Variants in C12orf42 observed in about 807,000 individuals in gnomAD.
C12orf42 encodes uncharacterized protein C12orf42.
In C12orf42, 25 loss-of-function variants were observed where a neutral mutation model predicts 21.6. The ratio of observed to expected loss-of-function variants is 1.16; its 90% CI spans 0.84 to 1.62. The LOEUF is 1.62. Ranked by LOEUF, C12orf42 falls within the 40% of genes most tolerant of loss-of-function variation. The pLI is 0.00. For missense variants in C12orf42, 483 were observed against 459.3 expected (o/e 1.05, Z -0.47); for synonymous variants, 174 against 175.0 (o/e 0.99, Z 0.05).
chr12:103,332,892 A>C (rs1438455698), intron 4 of C12orf42, among the ~76,000 whole-genome samples: 1 of 152,286 alleles, frequency 6.6e-6, no homozygotes, highest in Non-Finnish European at 1.5e-5. Context: ...CTGGATTAGC[A>C]GGTCTGCCCC....
the C12orf42 span, among the ~76,000 whole-genome samples, chr12:103,070,645 G>T: frequency 6.6e-6 from 1 of 151,946 alleles, no homozygotes; most frequent in African/African-American, 2.4e-5. Flanking sequence ...ACCACAAATT[G>T]TTCTATGTGC....
chr12:103,376,876 G>A (rs2045745717), intron 3 of C12orf42, among the ~76,000 whole-genome samples: 1 of 151,704 alleles, frequency 6.6e-6, no homozygotes, highest in Non-Finnish European at 1.5e-5. Context: ...TCCCCTCTGT[G>A]TTCTCATTCT....
the C12orf42 span, among the ~76,000 whole-genome samples, chr12:103,206,592 T>G: frequency 6.6e-6 from 1 of 152,000 alleles, no homozygotes; most frequent in South Asian, 2.1e-4. Context: ...CTAACAAACT[T>G]AATTAATTAA....
At chr12:103,406,345 G>C (rs1020095500) in intron 2 of C12orf42, among the ~76,000 whole-genome samples, 1 of 152,176 alleles carries the variant, frequency 6.6e-6, no homozygotes, top group Non-Finnish European at 1.5e-5. Flanking sequence ...GCTTTCAAGA[G>C]GTTGTATGGT....
chr12:103,434,775 T>C lies in C12orf42; in HGVS notation c.79-33100A>G, dbSNP rs1207881888. ...ACGCCCACGGACTCTTGCTGATTGC[T>C]AGCACAGCAGTCTGAGATCAAACTG... is the stretch of plus-strand genomic sequence containing the variant. On this transcript the variant is annotated intron_variant, in intron 2 of 5. Coordinates refer to ENST00000548883, the MANE Select transcript of C12orf42 (RefSeq NM_198521.5). 3.3e-5 allele frequency among the ~76,000 whole-genome samples: 5 copies of C among 152,172 alleles called. No homozygotes were observed. The East Asian group carries it at 9.6e-4, about 29-fold the overall frequency.
At chr12:103,404,610 G>T (rs983409773) in intron 2 of C12orf42, among the ~76,000 whole-genome samples, 2 of 152,128 alleles carry the variant, frequency 1.3e-5, no homozygotes, top group Admixed American at 6.5e-5. Flanking sequence ...CACAAGAGTC[G>T]CCACATAAAC....
chr12:103,402,730 G>T (rs76527187), intron 2 of C12orf42, among the ~76,000 whole-genome samples: 3 of 152,306 alleles, frequency 2.0e-5, no homozygotes, highest in African/African-American at 7.2e-5. Context: ...TTGGGTGATG[G>T]ACTAGAGACA....
At chr12:103,395,542 A>T (rs1208421579) in intron 3 of C12orf42, among the ~76,000 whole-genome samples, 1 of 152,104 alleles carries the variant, frequency 6.6e-6, no homozygotes, top group Non-Finnish European at 1.5e-5. Flanking sequence ...TCACTGTGTT[A>T]GGCAGGATGG....
chr12:103,293,729 G>T (rs2036968475), intron 4 of C12orf42, among the ~76,000 whole-genome samples: 1 of 152,108 alleles, frequency 6.6e-6, no homozygotes, highest in Non-Finnish European at 1.5e-5. Flanking sequence ...CTTTCCATGG[G>T]GGTCCAAGGC....
downstream of C12orf42, among the ~76,000 whole-genome samples, chr12:103,265,605 A>G (rs894511547): frequency 6.6e-6 from 1 of 152,178 alleles, no homozygotes; most frequent in Non-Finnish European, 1.5e-5. Flanking sequence ...TTCTAATGCT[A>G]TTTTACAGGT....
At chr12:103,372,115 G>A (rs12227177) in intron 3 of C12orf42, among the ~76,000 whole-genome samples, 16,488 of 152,010 alleles carry the variant, frequency 0.11, 1,063 homozygotes, top group East Asian at 0.19. Flanking sequence ...ATGCACAGCC[G>A]TTTCCTGTCA....
At chr12:103,439,280 C>T (rs1384453918) in intron 2 of C12orf42, among the ~76,000 whole-genome samples, 12 of 151,980 alleles carry the variant, frequency 7.9e-5, no homozygotes, top group South Asian at 2.1e-4. Context: ...AAGACTTAAA[C>T]GTTAGACATA....
At chr12:103,050,343 A>G in the C12orf42 span, among the ~76,000 whole-genome samples, 1 of 152,106 alleles carries the variant, frequency 6.6e-6, no homozygotes, top group Non-Finnish European at 1.5e-5. Flanking sequence ...TGCATTTACC[A>G]TAGTGCCTTG....
chr12:103,051,346 A>G, the C12orf42 span, among the ~76,000 whole-genome samples: 2 of 152,182 alleles, frequency 1.3e-5, no homozygotes, highest in East Asian at 1.9e-4. Flanking sequence ...GAAGGAGAGT[A>G]TATAAGCCTT....
At chr12:103,127,538 T>A in the C12orf42 span, among the ~76,000 whole-genome samples, 2 of 152,034 alleles carry the variant, frequency 1.3e-5, no homozygotes, top group African/African-American at 4.8e-5. Flanking sequence ...CATACATACA[T>A]GAGAGAGAAA....
At chr12:103,068,153 G>A in the C12orf42 span, among the ~76,000 whole-genome samples, 3 of 152,332 alleles carry the variant, frequency 2.0e-5, no homozygotes, top group African/African-American at 4.8e-5. Context: ...CACATGATCA[G>A]CTGCAGAAGT....
intron 10 of C12orf42, among the ~76,000 whole-genome samples, chr12:103,257,755 A>T (rs1440551746): frequency 6.6e-6 from 1 of 151,978 alleles, no homozygotes; most frequent in Non-Finnish European, 1.5e-5. Context: ...TAGAGATACT[A>T]GGAGTCCCTG....
At chr12:103,477,976 A>G (rs965648316) in intron 2 of C12orf42, 3 of 181,668 alleles carry the variant, frequency 1.7e-5, no homozygotes, top group Admixed American at 6.4e-5. Flanking sequence ...GTCTTCAGTT[A>G]AAAGCCCAGG....
At chr12:103,205,711 A>G in the C12orf42 span, among the ~76,000 whole-genome samples, 1 of 152,202 alleles carries the variant, frequency 6.6e-6, no homozygotes, top group African/African-American at 2.4e-5. Flanking sequence ...AGCCAAAGGC[A>G]GGAAGCAGTC....
Sources: gnomAD v4.1 joint callset for allele counts (sites outside exome capture counted in the v4.1 genomes callset) on GRCh38, gnomAD v4.1.1 for gene constraint, MANE v1.5 for transcripts, NCBI Gene and HGNC (gene_info 2026-07-23, HGNC 2026-07-21) for gene names.